The following RUBCNL variants were observed in gnomAD, a reference collection of about 807,000 sequenced individuals.
RUBCNL encodes the protein protein associated with UVRAG as autophagy enhancer.
RUBCNL carries 62 observed loss-of-function variants against 69.5 expected under a neutral mutation model. The ratio of observed to expected loss-of-function variants is 0.89; its 90% confidence interval spans 0.73 to 1.10. The LOEUF (loss-of-function observed/expected upper bound fraction) is 1.10. Among genes scored for constraint, RUBCNL ranks in the 50% least tolerant of loss-of-function variants. The pLI, the probability that RUBCNL is intolerant of heterozygous loss-of-function variation, is 0.00. For synonymous variants in RUBCNL, 291 were observed against 303.6 expected (o/e 0.96, Z 0.43); for missense variants, 768 against 798.1 (o/e 0.96, Z 0.45).
intron 3 of RUBCNL, among the ~76,000 whole-genome samples, chr13:46,369,251 G>C (rs1196069395): frequency 6.6e-6 from 1 of 152,156 alleles, no homozygotes; most frequent in African/African-American, 2.4e-5. Context: ...ATCTCGCTCT[G>C]TCACCCAGGC....
Position 46,364,866 on chromosome 13 carries a change from T to C in RUBCNL, c.827-1653A>G, listed in dbSNP as rs1440255546. On this transcript the variant is annotated intron_variant, in intron 5 of 14. Transcript: ENST00000429979. The stretch of plus-strand genomic sequence containing the variant: ...TATTCTTAATTTTCATTTAACATAT[T>C]CATATTTATTCATGTTTTCTTAAAG... 2.0e-5 allele frequency among the ~76,000 whole-genome samples: 3 copies of C among 152,146 alleles called. No homozygotes were observed. The East Asian group carries it at 5.8e-4, about 29-fold the overall frequency.
intron 11 of RUBCNL, 85 bp from the exon 12 acceptor site, chr13:46,349,432 T>A: frequency 7.6e-7 from 1 of 1,319,682 alleles, no homozygotes; most frequent in Non-Finnish European, 1.1e-6. Flanking sequence ...ATGTTATTTC[T>A]AAGCTTGAAA....
chr13:46,334,772 G>A lies in RUBCNL; in HGVS notation c.*8613C>T, dbSNP rs999037. 2.2e-3 allele frequency among the ~76,000 whole-genome samples: 337 copies of A among 152,244 alleles called. 4 individuals are homozygous for A. Among genetic ancestry groups the A allele is most frequent in the South Asian group, 0.012 (56 of 4,828 alleles). ...ATAACTTATATCATTTAATCTGTAC[G>A]ACAACCTTGTGAGACAGATTGTCAG... is the stretch of plus-strand genomic sequence containing the variant. On this transcript the variant is annotated 3_prime_UTR_variant, in exon 15 of 15. Coordinates refer to ENST00000429979, the MANE Select transcript of RUBCNL (RefSeq NM_025113.5).
At position 46,368,533 on chromosome 13, in the gene RUBCNL, C is replaced by G. The variant is rs1348894294; in HGVS notation, c.618+200G>C. On this transcript the variant is annotated intron_variant, in intron 4 of 14. Coordinates refer to ENST00000429979, the MANE Select transcript of RUBCNL (RefSeq NM_025113.5). ...AATGCCAGACATCATTCATCAATCA[C>G]AGAAAACTTTCCAGCTGAGCACAGG... is the stretch of plus-strand genomic sequence containing the variant. 6.1e-6 allele frequency: 6 copies of G among 981,918 alleles called. No individual in the cohort carries two copies. The East Asian group carries it at 6.8e-4, about 111-fold the overall frequency. The allele number at this position is 981,918 out of a possible 1,614,324, so 60.8% of individuals were successfully genotyped here.
intron 5 of RUBCNL, 107 bp downstream of exon 5, chr13:46,367,933 GGC>G: frequency 9.6e-7 from 1 of 1,046,966 alleles, no homozygotes; most frequent in Non-Finnish European, 1.4e-6. Context: ...TGAAGGTTCA[GGC>G]TTCCACTGGG....
intron 1 of RUBCNL, among the ~76,000 whole-genome samples, chr13:46,381,122 C>G (rs1735307975): frequency 6.6e-6 from 1 of 151,900 alleles, no homozygotes; most frequent in African/African-American, 2.4e-5. Flanking sequence ...TATATATACC[C>G]AAGAGAAATG....
At position 46,340,543 on chromosome 13, in the gene RUBCNL, TGTCTGA is replaced by T. The variant is rs1444609557; in HGVS notation, c.*2836_*2841del. Among the ~76,000 whole-genome samples the T allele has an allele frequency of 6.6e-6, 1 of 152,214 alleles. No homozygotes were observed. Among genetic ancestry groups the T allele is most frequent in the African/African-American group, 2.4e-5 (1 of 41,454 alleles). On this transcript the variant is annotated 3_prime_UTR_variant, in exon 15 of 15. Transcript: ENST00000429979. ...TAGATAATTTAAATGGCTTCCCCAG[TGTCTGA>T]GTCTATTTGTGTTGCTATAAAGGAA...
intron 3 of RUBCNL, among the ~76,000 whole-genome samples, chr13:46,369,687 CAA>C (rs1302309307): frequency 6.6e-6 from 1 of 152,236 alleles, no homozygotes; most frequent in East Asian, 1.9e-4. Context: ...ACCATCAAAA[CAA>C]ACATTTTTTC....
chr13:46,355,414 C>A (rs1449787252), intron 10 of RUBCNL, among the ~76,000 whole-genome samples: 4 of 151,916 alleles, frequency 2.6e-5, no homozygotes, highest in Non-Finnish European at 5.9e-5. Flanking sequence ...CCTGTCTCAG[C>A]CTCCCGAGTA....
rs1468044496 is a variant in RUBCNL at position 46,339,082 on chromosome 13, A to G, written c.*4303T>C. Among the ~76,000 whole-genome samples the G allele has an allele frequency of 3.3e-5, 5 of 151,428 alleles. No individual in the cohort carries two copies. Among genetic ancestry groups the G allele is most frequent in the Non-Finnish European group, 7.4e-5 (5 of 67,898 alleles). ...AAAAAAGTGCAAGGAAAAATACACAATTTGCTTAACCTATGTGGTTAAGCT... is the reference window on the plus strand; with the variant it reads ...AAAAAAGTGCAAGGAAAAATACACAGTTTGCTTAACCTATGTGGTTAAGCT... On this transcript the variant is annotated 3_prime_UTR_variant, in exon 15 of 15. Coordinates refer to ENST00000429979, the MANE Select transcript of RUBCNL (RefSeq NM_025113.5).
chr13:46,338,431 T>C lies in RUBCNL; in HGVS notation c.*4954A>G, dbSNP rs1025532069. On this transcript the variant is annotated 3_prime_UTR_variant, in exon 15 of 15. Coordinates refer to ENST00000429979, the MANE Select transcript of RUBCNL (RefSeq NM_025113.5). ...TCTTGGTCTTAGCAGCGCAGTTCAC[T>C]TTCAGGAGGCTGGACCAGGGGAAAG... Among the ~76,000 whole-genome samples the C allele has an allele frequency of 6.6e-6, 1 of 152,124 alleles. No individual in the cohort carries two copies. The highest frequency in any genetic ancestry group is 2.4e-5 in the African/African-American group (1 of 41,440).
chr13:46,365,469 C>A lies in RUBCNL; in HGVS notation c.827-2256G>T, dbSNP rs151132131. Among the ~76,000 whole-genome samples, 959 of 152,292 alleles carry A rather than the reference C, an allele frequency of 6.3e-3. 7 individuals carry two copies. Among genetic ancestry groups the A allele is most frequent in the Non-Finnish European group, 0.011 (773 of 68,036 alleles). On this transcript the variant is annotated intron_variant, in intron 5 of 14. Coordinates refer to ENST00000429979, the MANE Select transcript of RUBCNL (RefSeq NM_025113.5). ...GGGAAAGACGAGCATGCAGATGGCA[C>A]TGGAGCATTCTGGAGCACAACCTGT...
At chr13:46,381,245 G>A (rs117863558) in intron 1 of RUBCNL, among the ~76,000 whole-genome samples, 69 of 152,274 alleles carry the variant, frequency 4.5e-4, no homozygotes, top group Non-Finnish European at 7.9e-4. Context: ...TTAACAAAGT[G>A]TGCTATATCC....
chr13:46,359,187 T>A (rs530715047), intron 9 of RUBCNL, among the ~76,000 whole-genome samples: 1 of 152,138 alleles, frequency 6.6e-6, no homozygotes, highest in South Asian at 2.1e-4. Context: ...TAGCCACTTT[T>A]AAAAATCCCC....
intron 1 of RUBCNL, among the ~76,000 whole-genome samples, chr13:46,384,789 C>T (rs750461943): frequency 3.3e-5 from 5 of 152,148 alleles, no homozygotes; most frequent in Admixed American, 1.3e-4. Flanking sequence ...AAGTATTTTA[C>T]CTTTACGGAG....
chr13:46,373,721 C>T (rs1378452538), intron 2 of RUBCNL, among the ~76,000 whole-genome samples: 1 of 152,250 alleles, frequency 6.6e-6, no homozygotes, highest in East Asian at 1.9e-4. Flanking sequence ...GCCACATTCA[C>T]CCTGCACAGT....
chr13:46,368,353 C>T, intron 4 of RUBCNL, 104 bp from the exon 5 acceptor site: 3 of 1,413,438 alleles, frequency 2.1e-6, no homozygotes, highest in East Asian at 2.5e-5. Flanking sequence ...GGAATTAATG[C>T]ATATCAGTAT....
chr13:46,357,631 CTT>C (rs61684147), intron 9 of RUBCNL, among the ~76,000 whole-genome samples: 13,649 of 137,334 alleles, frequency 0.099, 779 homozygotes, highest in Non-Finnish European at 0.14. Flanking sequence ...AATTTTCTTT[CTT>C]TTTTTTTTTT....
At chr13:46,381,433 C>T (rs373424375) in intron 1 of RUBCNL, among the ~76,000 whole-genome samples, 2 of 152,038 alleles carry the variant, frequency 1.3e-5, no homozygotes, top group Admixed American at 6.5e-5. Flanking sequence ...AAAGGAGATT[C>T]GTGGTTGCTT....
Sources: allele counts gnomAD v4.1 joint callset (sites outside exome capture counted in the v4.1 genomes callset), GRCh38; gene constraint gnomAD v4.1.1; transcripts MANE v1.5; gene names NCBI Gene and HGNC (gene_info 2026-07-23, HGNC 2026-07-21).